CNGA4: variants seen among roughly 807,000 people sequenced by gnomAD.
The protein encoded by CNGA4 is cyclic nucleotide gated channel subunit alpha 4, also known as cyclic nucleotide-gated channel alpha-4.
Under a neutral mutation model 45.6 loss-of-function variants are expected in CNGA4, and 32 were observed. The observed-to-expected ratio is 0.70, with a 90% CI of 0.53 to 0.94. The LOEUF is 0.94. Among genes scored for constraint, CNGA4 ranks in the 40% least tolerant of loss-of-function variants. The pLI is 0.00. For missense variants in CNGA4, 726 were observed against 755.1 expected (o/e 0.96, Z 0.45); for synonymous variants, 293 against 304.6 (o/e 0.96, Z 0.40).
At position 6,239,451 on chromosome 11, in the gene CNGA4, C is replaced by T; in HGVS notation, c.130C>T (p.Pro44Ser). The change falls in exon 2 of 6, where the codon CCA becomes TCA. Residue 44 changes from proline (P) to serine (S), a missense_variant. Coordinates refer to ENST00000379936, the MANE Select transcript of CNGA4 (RefSeq NM_001037329.4). ...CTGGTGGCTGAACACAATGGTCTTCCCAGTCATGTATAACCTCATCATCCT... is the reference window on the plus strand; with the variant it reads ...CTGGTGGCTGAACACAATGGTCTTCTCAGTCATGTATAACCTCATCATCCT... ...YYWWLNTMVF[P>S]VMYNLIILVC... The T allele has an allele frequency of 6.2e-7, 1 of 1,614,162 alleles. No homozygotes were observed. The highest frequency in any genetic ancestry group is 8.5e-7 in the Non-Finnish European group (1 of 1,180,028).
In CNGA4 at chr11:6,239,773, T is replaced by C. The variant is rs758057217; in HGVS notation, c.254T>C (p.Val85Ala). The change falls in exon 3 of 6, where the codon GTG becomes GCG. Residue 85 changes from valine (V) to alanine (A), a missense_variant. Transcript: ENST00000379936. ...GACCTGCTATACCTACTAGACATGG[T>C]GGTGCGCTTCCACACAGGTCAGTGG... ...TSDLLYLLDM[V>A]VRFHTGFLEQ... is the part of the protein sequence containing the mutation. The C allele has an allele frequency of 1.2e-6, 2 of 1,613,900 alleles. No homozygotes were observed. Among genetic ancestry groups the C allele is most frequent in the Admixed American group, 1.7e-5 (1 of 59,994 alleles).
Position 6,240,259 on chromosome 11 carries a change from C to T in CNGA4, c.465C>T (p.Asp155=). ...LRAPRLFEAF[D]RTETRTAYPN... is the part of the protein sequence containing the mutation. The stretch of plus-strand genomic sequence containing the variant: ...CGCCCCGCCTCTTCGAGGCCTTCGA[C>T]CGCACAGAGACCCGCACAGCTTACC... Residue 155 remains aspartate, a synonymous_variant, in exon 4 of 6, where the codon GAC becomes GAT. Transcript: ENST00000379936. This position sits in a 1 kb window ranked among gnomAD's most constrained non-coding sequence, Gnocchi z 4.9. The T allele has an allele frequency of 1.9e-6, 3 of 1,614,244 alleles. No individual in the cohort carries two copies. The highest frequency in any genetic ancestry group is 1.7e-6 in the Non-Finnish European group (2 of 1,180,030).
At position 6,244,100 on chromosome 11, in the gene CNGA4, G is replaced by A. The variant is rs768476415; in HGVS notation, c.1419G>A (p.Leu473=). The A allele has an allele frequency of 7.4e-6, 12 of 1,614,236 alleles. No homozygotes were observed. The Admixed American group carries it at 1.8e-4, about 25-fold the overall frequency. ...IMEEKGREIL[L]KMNKLDVNAE... is the part of the protein sequence containing the mutation. Reference sequence around the variant, plus strand: ...AGGAGAAAGGACGTGAGATCCTGCTGAAAATGAACAAGTTGGACGTGAATG... The same window carrying A: ...AGGAGAAAGGACGTGAGATCCTGCTAAAAATGAACAAGTTGGACGTGAATG... The change falls in exon 6 of 6, where the codon CTG becomes CTA. Residue 473 remains leucine, a synonymous_variant. Coordinates refer to ENST00000379936, the MANE Select transcript of CNGA4 (RefSeq NM_001037329.4). This position sits in a 1 kb window ranked among gnomAD's most constrained non-coding sequence, Gnocchi z 4.5.
Position 6,241,584 on chromosome 11 carries a change from G to T in CNGA4, c.1071G>T (p.Leu357=). The T allele has an allele frequency of 6.2e-7, 1 of 1,614,242 alleles. No individual in the cohort carries two copies. Among genetic ancestry groups the T allele is most frequent in the Non-Finnish European group, 8.5e-7 (1 of 1,180,046 alleles). ...TTCAGAACTGTGAGGCCAGCCTGCT[G>T]GAGGAGCTGGTGCTGAAGCTGCAGC... ...QIFQNCEASL[L]EELVLKLQPQ... Residue 357 remains leucine (L), a synonymous_variant, in exon 5 of 6, where the codon CTG becomes CTT. Transcript: ENST00000379936.
At chr11:6,234,916 A>T (rs1412384198), upstream of CNGA4, 1 of 153,084 alleles carries the variant, frequency 6.5e-6, no homozygotes, top group Non-Finnish European at 1.5e-5. Flanking sequence ...GGCCTCTGGG[A>T]AGGTGGAGGC....
At chr11:6,242,516 G>A (rs1316579568) in intron 5 of CNGA4, among the ~76,000 whole-genome samples, 1 of 152,080 alleles carries the variant, frequency 6.6e-6, no homozygotes, top group African/African-American at 2.4e-5. Context: ...CGAGAAGCTG[G>A]ATGTGCTCTG....
At chr11:6,244,555 T>C, downstream of CNGA4, 1 of 663,994 alleles carries the variant, frequency 1.5e-6, no homozygotes, top group East Asian at 2.8e-5. The surrounding 1 kb of genome is among the most constrained non-coding windows in gnomAD (Gnocchi z 4.5). Context: ...GATATAGGAG[T>C]TTAACGCACA....
rs1847885009 is a variant in CNGA4, at chr11:6,239,808, A to T, written c.271+18A>T. The stretch of plus-strand genomic sequence containing the variant: ...CCACACAGGTCAGTGGGCTTCTAGG[A>T]ATGACCCTTTGTCCCACATTCCCTT... On this transcript the variant is annotated intron_variant, in intron 3 of 5. Coordinates refer to ENST00000379936, the MANE Select transcript of CNGA4 (RefSeq NM_001037329.4). 3 of 1,604,670 alleles carry T rather than the reference A, an allele frequency of 1.9e-6. No individual in the cohort carries two copies.
At chr11:6,236,736 G>A (rs577697006), upstream of CNGA4, among the ~76,000 whole-genome samples, 2 of 152,274 alleles carry the variant, frequency 1.3e-5, no homozygotes, top group East Asian at 1.9e-4. Context: ...TATACTTAAG[G>A]ATTGTACACC....
At chr11:6,235,141 A>T (rs1233435693), upstream of CNGA4, among the ~76,000 whole-genome samples, 3 of 152,144 alleles carry the variant, frequency 2.0e-5, no homozygotes, top group South Asian at 4.1e-4. Flanking sequence ...CGAGGCTATC[A>T]CGAAAAGAGA....
chr11:6,239,291 G>A (rs774696668), intron 1 of CNGA4, 23 bp downstream of exon 1: 40 of 1,613,458 alleles, frequency 2.5e-5, no homozygotes, highest in Non-Finnish European at 3.2e-5. Flanking sequence ...GGTCCCTTGT[G>A]TGGGATCTCT....
chr11:6,237,957 G>T (rs775925745), upstream of CNGA4, among the ~76,000 whole-genome samples: 1 of 152,066 alleles, frequency 6.6e-6, no homozygotes, highest in Non-Finnish European at 1.5e-5. Context: ...ACCACTACCC[G>T]CTAGGCCCTC....
In CNGA4 at chr11:6,239,965, C is replaced by A. The variant is rs1325111206; in HGVS notation, c.272-101C>A. 4.8e-6 allele frequency: 7 copies of A among 1,467,682 alleles called. No homozygotes were observed. In the East Asian group the frequency reaches 1.4e-4, roughly 29 times the overall value. 90.9% of individuals were successfully genotyped at this position (1,467,682 alleles called of 1,614,324 possible). A position where few individuals can be genotyped will look rare whatever the true frequency, so the allele number is the denominator to read the frequency against. ...GGGAGCAGAGTTATGCCTGGCTCCACTCTGTCCTTCAGACAGTCTCCCTGG... is the reference window on the plus strand; with the variant it reads ...GGGAGCAGAGTTATGCCTGGCTCCAATCTGTCCTTCAGACAGTCTCCCTGG... On this transcript the variant is annotated intron_variant, in intron 3 of 5. Coordinates refer to ENST00000379936, the MANE Select transcript of CNGA4 (RefSeq NM_001037329.4).
At chr11:6,237,927 A>G (rs1373000367), upstream of CNGA4, among the ~76,000 whole-genome samples, 1 of 152,200 alleles carries the variant, frequency 6.6e-6, no homozygotes, top group South Asian at 2.1e-4. Context: ...GCCTCTGTCT[A>G]TCATTCAACC....
At chr11:6,244,513 G>GGAT, downstream of CNGA4, 1 of 1,118,472 alleles carries the variant, frequency 8.9e-7, no homozygotes, top group Non-Finnish European at 1.3e-6. This position sits in a 1 kb window ranked among gnomAD's most constrained non-coding sequence, Gnocchi z 4.5. Flanking sequence ...CACAGACACA[G>GGAT]GAGCGAATTG....
At chr11:6,237,693 T>A (rs1322403220), upstream of CNGA4, among the ~76,000 whole-genome samples, 1 of 152,242 alleles carries the variant, frequency 6.6e-6, no homozygotes, top group East Asian at 1.9e-4. Context: ...GTTGTCTTTT[T>A]ATTTTAACAA....
At chr11:6,242,932 C>G (rs1847937264) in intron 5 of CNGA4, among the ~76,000 whole-genome samples, 1 of 152,206 alleles carries the variant, frequency 6.6e-6, no homozygotes, top group Non-Finnish European at 1.5e-5. Context: ...GCTTAAAATA[C>G]TTCAATAGTT....
At position 6,244,069 on chromosome 11, in the gene CNGA4, T is replaced by C; in HGVS notation, c.1388T>C (p.Ile463Thr). The C allele has an allele frequency of 6.2e-7, 1 of 1,614,092 alleles. No individual in the cohort carries two copies. Among genetic ancestry groups the C allele is most frequent in the Non-Finnish European group, 8.5e-7 (1 of 1,180,012 alleles). Residue 463 changes from isoleucine to threonine, a missense_variant, in exon 6 of 6, where the codon ATC becomes ACC. Coordinates refer to ENST00000379936, the MANE Select transcript of CNGA4 (RefSeq NM_001037329.4). The surrounding 1 kb of genome is among the most constrained non-coding windows in gnomAD (Gnocchi z 4.5). ...AGCGAGTATCCACAAGCACAGACCA[T>C]CATGGAGGAGAAAGGACGTGAGATC... ...VLSEYPQAQT[I>T]MEEKGREILL...
At chr11:6,236,324 T>C (rs1310825533), upstream of CNGA4, among the ~76,000 whole-genome samples, 1 of 152,202 alleles carries the variant, frequency 6.6e-6, no homozygotes, top group African/African-American at 2.4e-5. Context: ...AATTTAGATT[T>C]TATTTTTGGG....
Sources: gnomAD v4.1 joint callset for allele counts (sites outside exome capture counted in the v4.1 genomes callset) on GRCh38, gnomAD v4.1.1 for gene constraint, Gnocchi (gnomAD v3.1) non-coding constraint, MANE v1.5 for transcripts, NCBI Gene and HGNC (gene_info 2026-07-23, HGNC 2026-07-21) for gene names.